The following NXN variants were observed in gnomAD, a reference collection of about 807,000 sequenced individuals.
NXN encodes nucleoredoxin.
A neutral mutation model predicts 48.6 loss-of-function variants in NXN; 16 were observed. That is an observed-to-expected ratio of 0.33 (90% CI 0.22 to 0.50). The LOEUF is 0.50. NXN is among the 20% of genes least tolerant of loss of function. NXN has a pLI of 0.98. For missense variants in NXN, 492 were observed against 605.5 expected (o/e 0.81, Z 1.97); for synonymous variants, 281 against 269.6 (o/e 1.04, Z -0.41).
Position 830,341 on chromosome 17 carries a change from G to C in NXN, c.361-4263C>G, listed in dbSNP as rs777318638. Among the ~76,000 whole-genome samples, 1 of 152,056 alleles carries C rather than the reference G, an allele frequency of 6.6e-6. No individual in the cohort carries two copies. Among genetic ancestry groups the C allele is most frequent in the Non-Finnish European group, 1.5e-5 (1 of 68,008 alleles). The stretch of plus-strand genomic sequence containing the variant: ...AGACAATAAACAAGAATATAAACAG[G>C]AAACTCATTTCAGACACCGAGAAGT... On this transcript the variant is annotated intron_variant, in intron 1 of 7. Coordinates refer to ENST00000336868, the MANE Select transcript of NXN (RefSeq NM_022463.5). The surrounding 1 kb of genome is among the most constrained non-coding windows in gnomAD (Gnocchi z 4.2).
chr17:824,622 C>A (rs77919956), intron 2 of NXN, among the ~76,000 whole-genome samples: 1 of 152,132 alleles, frequency 6.6e-6, no homozygotes, highest in African/African-American at 2.4e-5. Context: ...GCCCCACGCC[C>A]AGAGATTCTG....
At chr17:847,980 GTCTC>G (rs1328837747) in intron 1 of NXN, among the ~76,000 whole-genome samples, 2 of 151,972 alleles carry the variant, frequency 1.3e-5, no homozygotes, top group Non-Finnish European at 2.9e-5. Context: ...ATCAATTCTC[GTCTC>G]TCTTTCTGCT....
intron 1 of NXN, among the ~76,000 whole-genome samples, chr17:848,183 G>T (rs1010217561): frequency 6.6e-6 from 1 of 151,718 alleles, no homozygotes; most frequent in South Asian, 2.1e-4. Context: ...TGTCGCCCAC[G>T]CTGGAGTGCA....
At chr17:807,481 CGA>C (rs1911629451) in intron 5 of NXN, among the ~76,000 whole-genome samples, 1 of 152,170 alleles carries the variant, frequency 6.6e-6, no homozygotes, top group Non-Finnish European at 1.5e-5. Flanking sequence ...TGGGGCTCTC[CGA>C]GGGCCTCCTC....
intron 1 of NXN, among the ~76,000 whole-genome samples, chr17:922,400 T>A (rs559174400): frequency 6.6e-6 from 1 of 151,938 alleles, no homozygotes; most frequent in South Asian, 2.1e-4. Context: ...GCCAAGATCG[T>A]GCCACTGCAC....
At chr17:878,982 T>C (rs571820475) in intron 1 of NXN, among the ~76,000 whole-genome samples, 29 of 152,036 alleles carry the variant, frequency 1.9e-4, no homozygotes, top group Non-Finnish European at 4.1e-4. Context: ...CTGACCAACA[T>C]GGCGAAACCC....
intron 1 of NXN, among the ~76,000 whole-genome samples, chr17:911,530 C>T (rs909241972): frequency 4.6e-5 from 7 of 151,708 alleles, no homozygotes; most frequent in Admixed American, 2.0e-4. Context: ...GGTGTTTTAC[C>T]GTGTTAGCCA....
At chr17:935,666 A>C (rs920188083) in intron 1 of NXN, among the ~76,000 whole-genome samples, 3 of 152,160 alleles carry the variant, frequency 2.0e-5, no homozygotes, top group Non-Finnish European at 4.4e-5. Context: ...GGAATCACAG[A>C]AGGAGCTTGC....
chr17:935,907 A>G (rs932692118), intron 1 of NXN, among the ~76,000 whole-genome samples: 4 of 152,108 alleles, frequency 2.6e-5, no homozygotes, highest in African/African-American at 9.7e-5. Flanking sequence ...AGCCTGACCA[A>G]CATGGTGAAA....
At chr17:822,478 A>G in intron 3 of NXN, 21 bp from the exon 4 acceptor site, 1 of 1,577,766 alleles carries the variant, frequency 6.3e-7, no homozygotes, top group Non-Finnish European at 8.7e-7. Context: ...GGACAGCAAG[A>G]CCCGCTGCGT....
intron 1 of NXN, among the ~76,000 whole-genome samples, chr17:939,770 C>T (rs1236733532): frequency 6.6e-6 from 1 of 152,230 alleles, no homozygotes; most frequent in Non-Finnish European, 1.5e-5. Flanking sequence ...GATGTCGGAA[C>T]ATCCATGCTT....
intron 1 of NXN, among the ~76,000 whole-genome samples, chr17:962,485 C>T (rs186836665): frequency 1.7e-4 from 26 of 152,120 alleles, no homozygotes; most frequent in African/African-American, 6.0e-4. Flanking sequence ...CTGGACAACA[C>T]GGTAAAACCC....
chr17:878,994 C>A (rs891715959), intron 1 of NXN, among the ~76,000 whole-genome samples: 1 of 151,910 alleles, frequency 6.6e-6, no homozygotes, highest in Non-Finnish European at 1.5e-5. Context: ...GCGAAACCCT[C>A]TCTCTACTAA....
At chr17:900,470 A>C (rs1443367623) in intron 1 of NXN, among the ~76,000 whole-genome samples, 1 of 152,154 alleles carries the variant, frequency 6.6e-6, no homozygotes, top group African/African-American at 2.4e-5. Context: ...TTGCAGGAAC[A>C]GAGAGGCACG....
chr17:918,958 G>C (rs576337129), intron 1 of NXN, among the ~76,000 whole-genome samples: 2 of 151,792 alleles, frequency 1.3e-5, no homozygotes, highest in African/African-American at 4.8e-5. Flanking sequence ...CCAGCTACTC[G>C]GGAGGCTGAG....
chr17:924,429 G>T (rs868696808), intron 1 of NXN, among the ~76,000 whole-genome samples: 1 of 152,182 alleles, frequency 6.6e-6, no homozygotes, highest in Admixed American at 6.6e-5. Context: ...TAGAGATGGG[G>T]TTTCACCATG....
chr17:861,601 G>A (rs1182476197), intron 1 of NXN, among the ~76,000 whole-genome samples: 2 of 152,126 alleles, frequency 1.3e-5, no homozygotes, highest in African/African-American at 4.8e-5. Flanking sequence ...AGGCCAAGCT[G>A]AGCCTGAACG....
At position 800,882 on chromosome 17, in the gene NXN, C is replaced by T. The variant is rs1460750964; in HGVS notation, c.*67G>A. 6.7e-6 allele frequency: 8 copies of T among 1,190,120 alleles called. No homozygotes were observed. The highest frequency in any genetic ancestry group is 3.1e-5 in the Admixed American group (1 of 32,498). The allele number at this position is 1,190,120 out of a possible 1,614,324, so 73.7% of individuals were successfully genotyped here. ...GGGGCACGCTGGGTAAGTCCAAGGG[C>T]GGAAGGAAGGAGGGGGAGGAGGAGA... On this transcript the variant is annotated 3_prime_UTR_variant, in exon 8 of 8. Coordinates refer to ENST00000336868, the MANE Select transcript of NXN (RefSeq NM_022463.5).
intron 1 of NXN, among the ~76,000 whole-genome samples, chr17:880,585 A>G (rs1451790045): frequency 1.3e-5 from 2 of 152,154 alleles, no homozygotes; most frequent in Non-Finnish European, 2.9e-5. Flanking sequence ...AAAATTAAAA[A>G]TAAGTGTTTA....
Sources: allele counts gnomAD v4.1 joint callset (sites outside exome capture counted in the v4.1 genomes callset), GRCh38; gene constraint gnomAD v4.1.1; non-coding constraint Gnocchi (gnomAD v3.1); transcripts MANE v1.5; gene names NCBI Gene and HGNC (gene_info 2026-07-23, HGNC 2026-07-21).